The following TCEA1 variants were observed in gnomAD, a reference collection of about 807,000 sequenced individuals.
TCEA1 encodes the protein transcription elongation factor A protein 1.
A neutral mutation model predicts 43.8 loss-of-function variants in TCEA1; 21 were observed. That is an observed-to-expected ratio of 0.48 (90% CI 0.34 to 0.69). TCEA1 has a LOEUF of 0.69. Ranked by LOEUF, TCEA1 falls within the 30% of genes least tolerant of loss-of-function variation. The pLI is 0.01. For synonymous variants in TCEA1, 104 were observed against 117.5 expected, an observed-to-expected ratio of 0.88 and a Z score of 0.75; for missense variants, 250 against 365.1, an observed-to-expected ratio of 0.68 and a Z score of 2.57.
At chr8:54,021,954 A>C (rs1279939266) in intron 1 of TCEA1, 109 bp downstream of exon 1, 4 of 1,125,512 alleles carry the variant, frequency 3.6e-6, no homozygotes, top group South Asian at 2.5e-5. Context: ...CCCGGCTCCC[A>C]GACGGGAGGC....
intron 3 of TCEA1, 129 bp from the exon 4 acceptor site, chr8:53,993,884 T>C (rs1416584925): frequency 2.8e-6 from 2 of 718,748 alleles, no homozygotes; most frequent in Non-Finnish European, 4.7e-6. Context: ...GAAGTTTGCA[T>C]AAGCTATTAG....
chr8:53,982,240 T>C (rs998188102), intron 7 of TCEA1, among the ~76,000 whole-genome samples: 1 of 151,832 alleles, frequency 6.6e-6, no homozygotes, highest in African/African-American at 2.4e-5. Flanking sequence ...TATGTCAACA[T>C]TTAGAGGAGT....
At chr8:53,991,703 A>G (rs1803887786) in intron 4 of TCEA1, among the ~76,000 whole-genome samples, 1 of 151,548 alleles carries the variant, frequency 6.6e-6, no homozygotes, top group African/African-American at 2.4e-5. Context: ...TCAAAAAATA[A>G]TAATAATAAT....
At chr8:53,978,816 C>T (rs753642512) in intron 8 of TCEA1, 8 of 438,552 alleles carry the variant, frequency 1.8e-5, no homozygotes, top group East Asian at 3.4e-5. Context: ...ATAAATAAAA[C>T]TTATCAGTAC....
chr8:53,994,715 C>T (rs1054847298), intron 3 of TCEA1, among the ~76,000 whole-genome samples: 3 of 150,454 alleles, frequency 2.0e-5, no homozygotes, highest in African/African-American at 7.3e-5. Context: ...AAAAAAAATA[C>T]AAAAAATTAG....
At chr8:53,988,280 C>A (rs777643552) in intron 4 of TCEA1, 21 bp from the exon 5 acceptor site, 1 of 1,602,710 alleles carries the variant, frequency 6.2e-7, no homozygotes. Flanking sequence ...CACAAACACC[C>A]CAAAAAGAAA....
chr8:53,981,926 T>C (rs1319530169), intron 7 of TCEA1, among the ~76,000 whole-genome samples: 2 of 148,702 alleles, frequency 1.3e-5, no homozygotes. Context: ...AGCTAAGTTT[T>C]CTTTTTTTTT....
At chr8:53,972,483 C>G (rs1046298875) in intron 8 of TCEA1, 7 of 523,058 alleles carry the variant, frequency 1.3e-5, no homozygotes, top group Non-Finnish European at 2.7e-5. Flanking sequence ...ACCTGCTCCT[C>G]GTGCTGATGA....
intron 1 of TCEA1, among the ~76,000 whole-genome samples, chr8:54,012,428 C>T (rs567151029): frequency 7.2e-5 from 11 of 152,200 alleles, no homozygotes; most frequent in African/African-American, 2.6e-4. Context: ...GGCGTGGTGG[C>T]GGGTGCCTGT....
chr8:53,972,645 G>A lies in TCEA1; in HGVS notation c.826-2182C>T, dbSNP rs958591320. The A allele has an allele frequency of 2.8e-5, 17 of 613,882 alleles. No individual in the cohort carries two copies. The Admixed American group carries it at 3.2e-4, about 11-fold the overall frequency. The allele number at this position is 613,882 out of a possible 1,614,324, so 38.0% of individuals were successfully genotyped here. A position where few individuals can be genotyped will look rare whatever the true frequency, so the allele number is the denominator to read the frequency against. Reference sequence around the variant, plus strand: ...AGAGTTTGGAAAGGAGAGGGTGAAGGAAGAGCAAGTTTGAGGATCAGTAGA... The same window carrying A: ...AGAGTTTGGAAAGGAGAGGGTGAAGAAAGAGCAAGTTTGAGGATCAGTAGA... On this transcript the variant is annotated intron_variant, in intron 8 of 9. Transcript: ENST00000521604.
chr8:54,005,975 T>C (rs1804424249), intron 2 of TCEA1, among the ~76,000 whole-genome samples: 1 of 152,228 alleles, frequency 6.6e-6, no homozygotes, highest in Non-Finnish European at 1.5e-5. Context: ...TTTTCACTTC[T>C]AAATGCCACA....
At chr8:54,006,043 G>A (rs1347712428) in intron 2 of TCEA1, among the ~76,000 whole-genome samples, 1 of 152,104 alleles carries the variant, frequency 6.6e-6, no homozygotes, top group Non-Finnish European at 1.5e-5. Context: ...TCTGCTGAGG[G>A]AGAACCTAGT....
intron 1 of TCEA1, among the ~76,000 whole-genome samples, chr8:54,017,176 G>A (rs936190106): frequency 6.6e-6 from 1 of 152,050 alleles, no homozygotes; most frequent in African/African-American, 2.4e-5. Flanking sequence ...CTGCTTAATA[G>A]GTACAGGGTT....
At position 53,991,568 on chromosome 8, in the gene TCEA1, C is replaced by T. The variant is rs534616941; in HGVS notation, c.320+2100G>A. 3.9e-4 allele frequency among the ~76,000 whole-genome samples: 59 copies of T among 151,906 alleles called. 1 individual carries two copies. In the Middle Eastern group the frequency reaches 0.01, roughly 26 times the overall value. ...AATTAGCCAGGCATGGTGGCACATG[C>T]CTGTAATCCCAGCTACTTGGGAGGC... On this transcript the variant is annotated intron_variant, in intron 4 of 9. Coordinates refer to ENST00000521604, the MANE Select transcript of TCEA1 (RefSeq NM_006756.4).
At chr8:54,006,331 T>C (rs1586028723) in intron 2 of TCEA1, among the ~76,000 whole-genome samples, 1 of 152,164 alleles carries the variant, frequency 6.6e-6, no homozygotes. Context: ...TAAAAACTCT[T>C]AGCCGGGTGT....
rs992959464 is a variant in TCEA1 at position 54,002,691 on chromosome 8, A to G, written c.127-2641T>C. On this transcript the variant is annotated intron_variant, in intron 2 of 9. Coordinates refer to ENST00000521604, the MANE Select transcript of TCEA1 (RefSeq NM_006756.4). ...CTAAAATTGGTATGCTAAGACTTAC[A>G]AGATGTAATAGATAGGTTATACGAA... Among the ~76,000 whole-genome samples the G allele has an allele frequency of 2.0e-5, 3 of 152,328 alleles. No homozygotes were observed. In the South Asian group the frequency reaches 6.2e-4, roughly 32 times the overall value.
intron 1 of TCEA1, among the ~76,000 whole-genome samples, chr8:54,013,975 G>A (rs1804740409): frequency 6.6e-6 from 1 of 152,202 alleles, no homozygotes; most frequent in South Asian, 2.1e-4. Context: ...CTCCAGTAAT[G>A]TCAAATGTAC....
At chr8:54,005,037 T>C (rs1156899286) in intron 2 of TCEA1, among the ~76,000 whole-genome samples, 1 of 152,080 alleles carries the variant, frequency 6.6e-6, no homozygotes, top group Admixed American at 6.6e-5. Context: ...CCTTCTACTC[T>C]CTCACTCTGC....
At position 54,000,179 on chromosome 8, in the gene TCEA1, C is replaced by G. The variant is rs532402610; in HGVS notation, c.127-129G>C. The G allele has an allele frequency of 5.0e-6, 3 of 597,434 alleles. No individual in the cohort carries two copies. The East Asian group carries it at 8.6e-5, about 17-fold the overall frequency. The allele number at this position is 597,434 out of a possible 1,614,324, so 37.0% of individuals were successfully genotyped here. A position where few individuals can be genotyped will look rare whatever the true frequency, so the allele number is the denominator to read the frequency against. ...AATTTCAAAACTTCAATTTTTGGAT[C>G]CTTATAATAGCAAATTATATTAAGA... On this transcript the variant is annotated intron_variant, in intron 2 of 9. Transcript: ENST00000521604.
Sources: allele counts gnomAD v4.1 joint callset (sites outside exome capture counted in the v4.1 genomes callset), GRCh38; gene constraint gnomAD v4.1.1; transcripts MANE v1.5; gene names NCBI Gene and HGNC (gene_info 2026-07-23, HGNC 2026-07-21).